The following ABCG4 variants were observed in gnomAD, a reference collection of about 807,000 sequenced individuals.
ABCG4 encodes ATP-binding cassette sub-family G member 4.
A neutral mutation model predicts 64.6 loss-of-function variants in ABCG4; 35 were observed. The ratio of observed to expected loss-of-function variants is 0.54; its 90% CI spans 0.41 to 0.72. ABCG4 has a LOEUF of 0.72. Among genes scored for constraint, ABCG4 ranks in the 30% least tolerant of loss-of-function variants. ABCG4 has a pLI of 0.00. For missense variants in ABCG4, 610 were observed against 846.3 expected, an observed-to-expected ratio of 0.72 and a Z score of 3.46; for synonymous variants, 326 against 348.2, an observed-to-expected ratio of 0.94 and a Z score of 0.71.
chr11:119,159,728 C>T (rs1377758419), intron 12 of ABCG4, among the ~76,000 whole-genome samples: 1 of 152,108 alleles, frequency 6.6e-6, no homozygotes, highest in Non-Finnish European at 1.5e-5. Flanking sequence ...GTGCCCCTTC[C>T]TCAGGGTGGA....
Position 119,160,732 on chromosome 11 carries a change from C to A in ABCG4, c.1715+76C>A. On this transcript the variant is annotated intron_variant, in intron 14 of 14. Transcript: ENST00000619701. The surrounding 1 kb of genome is among the most constrained non-coding windows in gnomAD (Gnocchi z 4.6). Reference sequence around the variant, plus strand: ...CATACCCAGGGCTTCCTGGGTTGTGCCAAGTCTGCTGCCTGCCCCATTATC... The same window carrying A: ...CATACCCAGGGCTTCCTGGGTTGTGACAAGTCTGCTGCCTGCCCCATTATC... The A allele has an allele frequency of 6.6e-7, 1 of 1,513,972 alleles. No individual in the cohort carries two copies. Among genetic ancestry groups the A allele is most frequent in the Non-Finnish European group, 9.2e-7 (1 of 1,092,540 alleles). The allele number at this position is 1,513,972 out of a possible 1,614,324, so 93.8% of individuals were successfully genotyped here.
Position 119,158,697 on chromosome 11 carries a change from C to A in ABCG4, c.1308C>A (p.Phe436Leu). The A allele has an allele frequency of 1.9e-6, 3 of 1,614,118 alleles. No homozygotes were observed. The highest frequency in any genetic ancestry group is 2.5e-6 in the Non-Finnish European group (3 of 1,180,042). ...CLFFSMLFLM[F>L]AALMPTVLTF... is the part of the protein sequence containing the mutation. ...TCTTCTCCATGCTGTTCCTCATGTT[C>A]GCCGCCCTCATGCCAACTGTGCTCA... Residue 436 changes from phenylalanine to leucine, a missense_variant, in exon 11 of 15, where the codon TTC (phenylalanine) becomes TTA (leucine). By Grantham distance (22) the Phe-to-Leu change is conservative. Transcript: ENST00000619701. This position sits in a 1 kb window ranked among gnomAD's most constrained non-coding sequence, Gnocchi z 4.5.
rs1026690980 is a variant in ABCG4, at chr11:119,156,891, C to T, written c.945C>T (p.Gly315=). ...PADFIIEVAS[G]EYGDLNPMLF... is the part of the protein sequence containing the mutation. ...CCCCAGTCATCGAGGTGGCCTCTGGCGAGTATGGAGACCTGAACCCCATGT... is the reference window on the plus strand; with the variant it reads ...CCCCAGTCATCGAGGTGGCCTCTGGTGAGTATGGAGACCTGAACCCCATGT... The change falls in exon 9 of 15, where the codon GGC becomes GGT. Residue 315 remains glycine, a synonymous_variant. Transcript: ENST00000619701. This position sits in a 1 kb window ranked among gnomAD's most constrained non-coding sequence, Gnocchi z 5.5. 5.6e-6 allele frequency: 9 copies of T among 1,611,234 alleles called. No homozygotes were observed. Among genetic ancestry groups the T allele is most frequent in the South Asian group, 2.2e-5 (2 of 90,760 alleles).
chr11:119,149,770 G>A lies in ABCG4; in HGVS notation c.-12-184G>A. 1.0e-6 allele frequency: 1 copy of A among 969,160 alleles called. No homozygotes were observed. The highest frequency in any genetic ancestry group is 1.8e-5 in the South Asian group (1 of 56,802). 60.0% of individuals were successfully genotyped at this position (969,160 alleles called of 1,614,324 possible). Reference sequence around the variant, plus strand: ...CGGGCTGGGGTCAGGCTGGAGCTGGGCTGCCCGGGACTGAGCGTCTCCGTG... The same window carrying A: ...CGGGCTGGGGTCAGGCTGGAGCTGGACTGCCCGGGACTGAGCGTCTCCGTG... On this transcript the variant is annotated intron_variant, in intron 1 of 14. Coordinates refer to ENST00000619701, the MANE Select transcript of ABCG4 (RefSeq NM_022169.5). The surrounding 1 kb of genome is among the most constrained non-coding windows in gnomAD (Gnocchi z 8.3).
Position 119,150,052 on chromosome 11 carries a change from A to G in ABCG4, c.87A>G (p.Glu29=). The G allele has an allele frequency of 6.2e-7, 1 of 1,613,270 alleles. No individual in the cohort carries two copies. The highest frequency in any genetic ancestry group is 1.3e-5 in the African/African-American group (1 of 74,722). The stretch of plus-strand genomic sequence containing the variant: ...CCGTGACGCTGGAGGACGGGGCGGA[A>G]CCCCCTGTGCTGACCACGCACCTGA... ...AMAVTLEDGA[E]PPVLTTHLKK... The change falls in exon 2 of 15, where the codon GAA becomes GAG. Residue 29 remains glutamate (E), a synonymous_variant. Coordinates refer to ENST00000619701, the MANE Select transcript of ABCG4 (RefSeq NM_022169.5). The surrounding 1 kb of genome is among the most constrained non-coding windows in gnomAD (Gnocchi z 4.3).
Position 119,150,805 on chromosome 11 carries a change from C to T in ABCG4, c.238+602C>T, listed in dbSNP as rs1038898876. The stretch of plus-strand genomic sequence containing the variant: ...TTTCCCAGCTCTCCATGCATTGTTC[C>T]TTTCTCTCTCTTCCCTGTACAGCAG... On this transcript the variant is annotated intron_variant, in intron 2 of 14. Transcript: ENST00000619701. This position sits in a 1 kb window ranked among gnomAD's most constrained non-coding sequence, Gnocchi z 4.3. Among the ~76,000 whole-genome samples, 1 of 152,120 alleles carries T rather than the reference C, an allele frequency of 6.6e-6. No individual in the cohort carries two copies. Among genetic ancestry groups the T allele is most frequent in the Non-Finnish European group, 1.5e-5 (1 of 68,020 alleles).
chr11:119,154,734 T>G lies in ABCG4; in HGVS notation c.541-36T>G, dbSNP rs1205129228. The G allele has an allele frequency of 6.3e-7, 1 of 1,597,510 alleles. No homozygotes were observed. Among genetic ancestry groups the G allele is most frequent in the East Asian group, 2.2e-5 (1 of 44,516 alleles). On this transcript the variant is annotated intron_variant, in intron 5 of 14. Transcript: ENST00000619701. The surrounding 1 kb of genome is among the most constrained non-coding windows in gnomAD (Gnocchi z 7.0). ...GGTGGTGCCTGGGGGAAGCAGAGAC[T>G]CCGAAGCTGACCTGGCATGGGTGGG...
Position 119,156,463 on chromosome 11 carries a change from C to G in ABCG4, c.810+11C>G. 6.2e-7 allele frequency: 1 copy of G among 1,614,220 alleles called. No individual in the cohort carries two copies. Among genetic ancestry groups the G allele is most frequent in the Non-Finnish European group, 8.5e-7 (1 of 1,180,044 alleles). ...GAGATGTTTGACAAGGTGAGTGTCT[C>G]CAGGCCTCAAGGAGGATTGGCCTGA... is the stretch of plus-strand genomic sequence containing the variant. On this transcript the variant is annotated intron_variant, in intron 7 of 14. Transcript: ENST00000619701. This position sits in a 1 kb window ranked among gnomAD's most constrained non-coding sequence, Gnocchi z 5.5.
Position 119,160,834 on chromosome 11 carries a change from C to CA in ABCG4, c.1716-46dup. 1 of 1,580,664 alleles carries CA rather than the reference C, an allele frequency of 6.3e-7. No homozygotes were observed. The highest frequency in any genetic ancestry group is 8.7e-7 in the Non-Finnish European group (1 of 1,154,274). ...GGGCTCTGGCAGTTTTCTCAGAGAG[C>CA]AGGGACCCTGTGTGCTGTATCCCAT... On this transcript the variant is annotated intron_variant, in intron 14 of 14. Transcript: ENST00000619701. The surrounding 1 kb of genome is among the most constrained non-coding windows in gnomAD (Gnocchi z 4.6).
chr11:119,158,591 T>C lies in ABCG4; in HGVS notation c.1202T>C (p.Val401Ala), dbSNP rs771908038. ...LTHLRFMSHV[V>A]IGVLIGLLYL... ...CACCTACGGTTCATGTCCCACGTGG[T>C]TATTGGCGTGCTCATCGGCCTCCTC... Residue 401 changes from valine to alanine, a missense_variant, in exon 11 of 15, where the codon GTT becomes GCT. Transcript: ENST00000619701. This position sits in a 1 kb window ranked among gnomAD's most constrained non-coding sequence, Gnocchi z 4.5. 9 of 1,614,120 alleles carry C rather than the reference T, an allele frequency of 5.6e-6. No individual in the cohort carries two copies. In the Admixed American group the frequency reaches 1.2e-4, roughly 21 times the overall value.
chr11:119,151,402 C>T lies in ABCG4; in HGVS notation c.238+1199C>T, dbSNP rs895440130. ...TGGCCATTTTGCCATTTCTTTCATC[C>T]GTTGTCCCTTTCTCTGCCCCCTGCC... is the stretch of plus-strand genomic sequence containing the variant. On this transcript the variant is annotated intron_variant, in intron 2 of 14. Coordinates refer to ENST00000619701, the MANE Select transcript of ABCG4 (RefSeq NM_022169.5). Among the ~76,000 whole-genome samples the T allele has an allele frequency of 9.2e-5, 14 of 152,120 alleles. No individual in the cohort carries two copies. The South Asian group carries it at 1.2e-3, about 14-fold the overall frequency.
chr11:119,160,767 G>C lies in ABCG4; in HGVS notation c.1715+111G>C. 1.3e-6 allele frequency: 2 copies of C among 1,496,360 alleles called. No homozygotes were observed. The highest frequency in any genetic ancestry group is 9.2e-7 in the Non-Finnish European group (1 of 1,082,008). 92.7% of individuals were successfully genotyped at this position (1,496,360 alleles called of 1,614,324 possible). On this transcript the variant is annotated intron_variant, in intron 14 of 14. Coordinates refer to ENST00000619701, the MANE Select transcript of ABCG4 (RefSeq NM_022169.5). The surrounding 1 kb of genome is among the most constrained non-coding windows in gnomAD (Gnocchi z 4.6). ...TGCCTGCCCCATTATCCTTTGGGCA[G>C]GGGCACCCTGGCTGCACCCCAGGGA...
In ABCG4 at chr11:119,160,662, T is replaced by A; in HGVS notation, c.1715+6T>A. 1.9e-6 allele frequency: 3 copies of A among 1,610,450 alleles called. No individual in the cohort carries two copies. Among genetic ancestry groups the A allele is most frequent in the Non-Finnish European group, 2.5e-6 (3 of 1,176,810 alleles). Reference sequence around the variant, plus strand: ...TCCTATCTCTCCTATGTCAGGTCAGTACCCCTGCCCTCCTCGTTGGCCTCT... The same window carrying A: ...TCCTATCTCTCCTATGTCAGGTCAGAACCCCTGCCCTCCTCGTTGGCCTCT... On this transcript the variant is annotated splice_donor_region_variant and intron_variant, in intron 14 of 14. Transcript: ENST00000619701. This position sits in a 1 kb window ranked among gnomAD's most constrained non-coding sequence, Gnocchi z 4.6.
intron 2 of ABCG4, chr11:119,153,801 G>A: frequency 1.8e-6 from 1 of 551,434 alleles, no homozygotes; most frequent in Non-Finnish European, 3.3e-6. Flanking sequence ...TTCAGAAGAG[G>A]ATTGTTGCCT....
rs1565814056 is a variant in ABCG4, at chr11:119,154,670, C to T, written c.540+95C>T. On this transcript the variant is annotated intron_variant, in intron 5 of 14. Transcript: ENST00000619701. This position sits in a 1 kb window ranked among gnomAD's most constrained non-coding sequence, Gnocchi z 7.0. ...GGAGTGGGAGAGTGGTGGCCTAGGC[C>T]GAGACAATGCACTTAAGGGAGATGC... The T allele has an allele frequency of 6.3e-6, 10 of 1,593,324 alleles. No homozygotes were observed. The South Asian group carries it at 7.9e-5, about 13-fold the overall frequency.
Position 119,154,042 on chromosome 11 carries a change from C to G in ABCG4, c.255C>G (p.Leu85=), listed in dbSNP as rs765434190. ...TCACTGCAGGTTATAAGACCCTTCT[C>G]AAGTGCCTCTCAGGTAAATTCTGCC... ...CWRKRGYKTL[L]KCLSGKFCRR... Residue 85 remains leucine (L), a synonymous_variant, in exon 3 of 15, where the codon CTC becomes CTG. Transcript: ENST00000619701. This position sits in a 1 kb window ranked among gnomAD's most constrained non-coding sequence, Gnocchi z 7.0. 8.1e-6 allele frequency: 13 copies of G among 1,614,072 alleles called. No individual in the cohort carries two copies. The highest frequency in any genetic ancestry group is 1.1e-5 in the South Asian group (1 of 91,076).
rs945318046 is a variant in ABCG4, at chr11:119,155,004, A to T, written c.686+89A>T. The T allele has an allele frequency of 5.3e-6, 8 of 1,517,400 alleles. No homozygotes were observed. In the East Asian group the frequency reaches 1.8e-4, roughly 35 times the overall value. The allele number at this position is 1,517,400 out of a possible 1,614,324, so 94.0% of individuals were successfully genotyped here. ...AGGCTGCATCTTCTCCATGATCCAG[A>T]GCCTCTGTTCACAGCCTCCTGGGGC... On this transcript the variant is annotated intron_variant, in intron 6 of 14. Transcript: ENST00000619701. The surrounding 1 kb of genome is among the most constrained non-coding windows in gnomAD (Gnocchi z 4.5).
rs149005393 is a variant in ABCG4, at chr11:119,150,912, C to A, written c.238+709C>A. ...CCCCTGCAGCCCCTACCCTGAGCAG[C>A]TTTAGCTGCTAGTAGGGAAGCTGAG... On this transcript the variant is annotated intron_variant, in intron 2 of 14. Coordinates refer to ENST00000619701, the MANE Select transcript of ABCG4 (RefSeq NM_022169.5). This position sits in a 1 kb window ranked among gnomAD's most constrained non-coding sequence, Gnocchi z 4.3. 1.3e-3 allele frequency among the ~76,000 whole-genome samples: 194 copies of A among 152,394 alleles called. No individual in the cohort carries two copies. The highest frequency in any genetic ancestry group is 4.2e-3 in the African/African-American group (174 of 41,602).
intron 12 of ABCG4, among the ~76,000 whole-genome samples, chr11:119,159,490 C>T (rs536904206): frequency 1.3e-5 from 2 of 152,348 alleles, no homozygotes; most frequent in South Asian, 2.1e-4. Context: ...GGGCAAATCA[C>T]TCTCTTTGCT....
Sources: gnomAD v4.1 joint callset for allele counts (sites outside exome capture counted in the v4.1 genomes callset) on GRCh38, gnomAD v4.1.1 for gene constraint, Gnocchi (gnomAD v3.1) non-coding constraint, MANE v1.5 for transcripts, NCBI Gene and HGNC (gene_info 2026-07-23, HGNC 2026-07-21) for gene names.